The following SPATA13 variants were observed in gnomAD, a reference collection of about 807,000 sequenced individuals.
SPATA13 encodes spermatogenesis associated 13.
In SPATA13, 50 loss-of-function variants were observed where a neutral mutation model predicts 104.0. The observed-to-expected ratio is 0.48, with a 90% CI of 0.38 to 0.61. The LOEUF is 0.61. SPATA13 is among the 20% of genes least tolerant of loss of function. The pLI, the probability that SPATA13 is intolerant of heterozygous loss-of-function variation, is 0.00. For synonymous variants in SPATA13, 606 were observed against 667.5 expected (o/e 0.91, Z 1.42); for missense variants, 1,524 against 1,690.6 (o/e 0.90, Z 1.73).
At chr13:24,104,411 A>G (rs371089716) in intron 3 of SPATA13, among the ~76,000 whole-genome samples, 4 of 152,222 alleles carry the variant, frequency 2.6e-5, no homozygotes, top group African/African-American at 9.6e-5. Context: ...TTCTCAAGGC[A>G]GGCATAAATC....
chr13:23,990,060 A>G (rs964214489), intron 2 of SPATA13, among the ~76,000 whole-genome samples: 9 of 152,176 alleles, frequency 5.9e-5, no homozygotes, highest in Non-Finnish European at 1.0e-4. Flanking sequence ...GAGTAAGACA[A>G]CTGCCAACCA....
At chr13:23,990,992 C>T (rs1263882858) in intron 2 of SPATA13, among the ~76,000 whole-genome samples, 1 of 152,114 alleles carries the variant, frequency 6.6e-6, no homozygotes, top group South Asian at 2.1e-4. Flanking sequence ...CCTGGTGTAC[C>T]CCTGGCCTTG....
chr13:24,225,599 C>T (rs972700754), intron 2 of SPATA13, among the ~76,000 whole-genome samples: 1 of 152,268 alleles, frequency 6.6e-6, no homozygotes, highest in African/African-American at 2.4e-5. Context: ...TTCAGTCCCA[C>T]TGCCCCACTC....
At chr13:24,104,574 A>T (rs1374943304) in intron 3 of SPATA13, among the ~76,000 whole-genome samples, 1 of 152,206 alleles carries the variant, frequency 6.6e-6, no homozygotes, top group East Asian at 1.9e-4. Context: ...AAAGAAGCCG[A>T]TTCCTTTTCA....
At chr13:24,140,120 G>T (rs1001045994) in intron 3 of SPATA13, among the ~76,000 whole-genome samples, 1 of 151,902 alleles carries the variant, frequency 6.6e-6, no homozygotes, top group Non-Finnish European at 1.5e-5. Context: ...CATCTCTAAG[G>T]CTCCTGCCAA....
At chr13:24,136,118 A>G (rs1346983156) in intron 3 of SPATA13, among the ~76,000 whole-genome samples, 2 of 152,210 alleles carry the variant, frequency 1.3e-5, no homozygotes, top group South Asian at 4.1e-4. Flanking sequence ...GAAGATTATT[A>G]ACAGGAAATA....
intron 2 of SPATA13, among the ~76,000 whole-genome samples, chr13:24,005,818 A>G (rs1254361362): frequency 6.6e-6 from 1 of 152,182 alleles, no homozygotes; most frequent in African/African-American, 2.4e-5. Context: ...ATTTTTGTCA[A>G]TGGAGGAGTG....
intron 3 of SPATA13, among the ~76,000 whole-genome samples, chr13:24,060,898 G>A (rs1334966936): frequency 1.3e-5 from 2 of 152,094 alleles, no homozygotes; most frequent in African/African-American, 4.8e-5. Context: ...AATTAGCTGG[G>A]CATGCTAGTG....
chr13:24,101,706 G>C (rs539895008), intron 3 of SPATA13, among the ~76,000 whole-genome samples: 1 of 152,088 alleles, frequency 6.6e-6, no homozygotes, highest in Admixed American at 6.5e-5. Context: ...GTGGAATCAC[G>C]CACCTATATA....
Position 24,223,369 on chromosome 13 carries a change from C to T in SPATA13, c.440C>T (p.Ser147Phe), listed in dbSNP as rs1220646273. Residue 147 changes from serine (S) to phenylalanine (F), a missense_variant, in exon 2 of 13, where the codon TCC (serine) becomes TTC (phenylalanine). This residue lies in a region of SPATA13 where 1,089 missense variants were observed against 1,135.9 expected (regional missense o/e 0.96). Coordinates refer to ENST00000382108, the MANE Select transcript of SPATA13 (RefSeq NM_001166271.3). The stretch of plus-strand genomic sequence containing the variant: ...GCTTCGGAGCATGGCCTGGGAAAGT[C>T]CATCCCAAATGGCGCTGTCCCAGGA... ...GEASEHGLGK[S>F]IPNGAVPGAQ... The T allele has an allele frequency of 6.4e-7, 1 of 1,551,356 alleles. No individual in the cohort carries two copies. Among genetic ancestry groups the T allele is most frequent in the Non-Finnish European group, 8.7e-7 (1 of 1,146,996 alleles).
rs575924553 is a variant in SPATA13 at position 24,238,451 on chromosome 13, C to T, written c.1654-11026C>T. Among the ~76,000 whole-genome samples the T allele has an allele frequency of 3.3e-5, 5 of 152,268 alleles. No individual in the cohort carries two copies. In the East Asian group the frequency reaches 7.7e-4, roughly 24 times the overall value. ...GGATTACAGGCGTGAGCCACTGCCC[C>T]CGGCCTCTCCTTGATGTTTTAGGTG... On this transcript the variant is annotated intron_variant, in intron 2 of 12. Coordinates refer to ENST00000382108, the MANE Select transcript of SPATA13 (RefSeq NM_001166271.3).
chr13:24,072,042 A>G (rs1011114307), intron 3 of SPATA13, among the ~76,000 whole-genome samples: 1 of 152,172 alleles, frequency 6.6e-6, no homozygotes, highest in Non-Finnish European at 1.5e-5. Context: ...TTTGTAGAAG[A>G]TAAAAGAAGT....
intron 4 of SPATA13, chr13:24,254,189 C>T (rs1566175117): frequency 7.3e-6 from 1 of 136,736 alleles, no homozygotes; most frequent in Non-Finnish European, 1.5e-5. Flanking sequence ...GGTTCTGATT[C>T]ACTGTGGCCA....
intron 3 of SPATA13, among the ~76,000 whole-genome samples, chr13:24,072,340 A>G (rs1879193031): frequency 6.6e-6 from 1 of 152,216 alleles, no homozygotes; most frequent in South Asian, 2.1e-4. Context: ...GATAAACTCA[A>G]TGGACTTTGC....
At chr13:24,029,012 T>C (rs1877357143) in intron 3 of SPATA13, among the ~76,000 whole-genome samples, 1 of 152,196 alleles carries the variant, frequency 6.6e-6, no homozygotes, top group African/African-American at 2.4e-5. Flanking sequence ...TGCTCTCTTT[T>C]GTTTCCTCGT....
intron 2 of SPATA13, among the ~76,000 whole-genome samples, chr13:24,232,471 A>C (rs1224519527): frequency 6.6e-6 from 1 of 152,202 alleles, no homozygotes; most frequent in Non-Finnish European, 1.5e-5. Flanking sequence ...CTTTCACCCA[A>C]TCAAGTTGAC....
intron 3 of SPATA13, among the ~76,000 whole-genome samples, chr13:24,154,529 G>T (rs149791031): frequency 1.3e-5 from 2 of 152,142 alleles, no homozygotes; most frequent in East Asian, 1.9e-4. Flanking sequence ...TTGCTAACGG[G>T]GGGGAGGGGC....
chr13:24,164,454 G>C (rs1302999262), intron 1 of SPATA13, among the ~76,000 whole-genome samples: 1 of 152,196 alleles, frequency 6.6e-6, no homozygotes, highest in Admixed American at 6.5e-5. Context: ...CTGATGCCCT[G>C]AGGCAGGCAT....
intron 1 of SPATA13, among the ~76,000 whole-genome samples, chr13:24,173,511 C>CT (rs34242537): frequency 0.098 from 13,404 of 136,100 alleles, 837 homozygotes; most frequent in Middle Eastern, 0.17. Flanking sequence ...CGTCCCCCAA[C>CT]TTTTTTTTTT....
Sources: allele counts gnomAD v4.1 joint callset (sites outside exome capture counted in the v4.1 genomes callset), GRCh38; gene constraint gnomAD v4.1.1; regional missense constraint gnomAD v4.1.1; transcripts MANE v1.5; gene names NCBI Gene and HGNC (gene_info 2026-07-23, HGNC 2026-07-21).